RAD21L1: variants seen among roughly 807,000 people sequenced by gnomAD.
The protein encoded by RAD21L1 is RAD21 cohesin complex component like 1.
RAD21L1 carries 47 observed loss-of-function variants against 69.0 expected under a neutral mutation model. The observed-to-expected ratio is 0.68, with a 90% CI of 0.54 to 0.87. The LOEUF is 0.87. RAD21L1 is among the 40% of genes least tolerant of loss of function. RAD21L1 has a pLI of 0.00. For synonymous variants in RAD21L1, 177 were observed against 205.8 expected, an observed-to-expected ratio of 0.86 and a Z score of 1.20; for missense variants, 583 against 647.6, an observed-to-expected ratio of 0.90 and a Z score of 1.08.
chr20:1,230,794 C>T (rs1440565320), intron 3 of RAD21L1: 5 of 498,582 alleles, frequency 1.0e-5, no homozygotes, highest in South Asian at 8.8e-5. Flanking sequence ...TTCATTTGTT[C>T]GTTTATTATT....
rs1253015039 is a variant in RAD21L1, at chr20:1,254,663, T to TG, written c.*206_*207insG. ...AGAAATACTTTAAATTCTGTTTTGTTTTTTTTTGTTGTTTTTTTAAGGACA... is the reference window on the plus strand; with the variant it reads ...AGAAATACTTTAAATTCTGTTTTGTTGTTTTTTTGTTGTTTTTTTAAGGACA... On this transcript the variant is annotated 3_prime_UTR_variant, in exon 14 of 14. Coordinates refer to ENST00000683101, the MANE Select transcript of RAD21L1 (RefSeq NM_001384355.1). Among the ~76,000 whole-genome samples the TG allele has an allele frequency of 1.3e-5, 2 of 151,724 alleles. No individual in the cohort carries two copies. The highest frequency in any genetic ancestry group is 4.8e-5 in the African/African-American group (2 of 41,258).
chr20:1,239,377 C>T lies in RAD21L1; in HGVS notation c.712C>T (p.Leu238=). 1 of 1,549,370 alleles carries T rather than the reference C, an allele frequency of 6.5e-7. No homozygotes were observed. Among genetic ancestry groups the T allele is most frequent in the Non-Finnish European group, 8.7e-7 (1 of 1,144,924 alleles). ...CATGCATTTGAACAGAGAAATTTCC[C>T]TGCCTTCTGAGCCTCCCAATAGTTT... ...EDMHLNREIS[L]PSEPPNSLAV... Residue 238 remains leucine (L), a synonymous_variant, in exon 7 of 14, where the codon CTG becomes TTG. Transcript: ENST00000683101.
rs1031534140 is a variant in RAD21L1 at position 1,242,238 on chromosome 20, C to A, written c.857-381C>A. On this transcript the variant is annotated intron_variant, in intron 8 of 13. Coordinates refer to ENST00000683101, the MANE Select transcript of RAD21L1 (RefSeq NM_001384355.1). ...GTAGGTTGTACTGTGGTAGAAATTT[C>A]TTTTCTCTTTTGGAGATAGGGTCTT... Among the ~76,000 whole-genome samples, 4 of 152,122 alleles carry A rather than the reference C, an allele frequency of 2.6e-5. No individual in the cohort carries two copies. The East Asian group carries it at 5.8e-4, about 22-fold the overall frequency.
At position 1,246,213 on chromosome 20, in the gene RAD21L1, G is replaced by A; in HGVS notation, c.1309G>A (p.Asp437Asn). Residue 437 changes from aspartate (D) to asparagine (N), a missense_variant and splice_region_variant, in exon 12 of 14, where the codon GAT becomes AAT. By Grantham distance (23) the Asp-to-Asn change is conservative (BLOSUM62 1). Transcript: ENST00000683101. This position sits in a 1 kb window ranked among gnomAD's most constrained non-coding sequence, Gnocchi z 4.6. ...AACTTTCCCTAATTTGCTTCAGCAG[G>A]ATATTGTTGAAATGGTGTCTTTAGC... ...EDTNKNINSE[D>N]IVEMVSLAAE... is the part of the protein sequence containing the mutation. The A allele has an allele frequency of 6.6e-7, 1 of 1,523,556 alleles. No homozygotes were observed. Among genetic ancestry groups the A allele is most frequent in the East Asian group, 2.5e-5 (1 of 39,906 alleles). The allele number at this position is 1,523,556 out of a possible 1,614,324, so 94.4% of individuals were successfully genotyped here.
chr20:1,231,412 A>C, intron 3 of RAD21L1, 114 bp from the exon 4 acceptor site: 1 of 662,962 alleles, frequency 1.5e-6, no homozygotes, highest in African/African-American at 1.9e-5. Context: ...GAGTAGATAG[A>C]GGAAAACTAG....
intron 2 of RAD21L1, among the ~76,000 whole-genome samples, chr20:1,229,260 A>C (rs1038362452): frequency 6.6e-6 from 1 of 152,228 alleles, no homozygotes; most frequent in African/African-American, 2.4e-5. Context: ...TTTATCACTT[A>C]ATATGTTACT....
In RAD21L1 at chr20:1,244,103, G is replaced by C; in HGVS notation, c.1241G>C (p.Trp414Ser). Residue 414 changes from tryptophan (W) to serine (S), a missense_variant, in exon 11 of 14, where the codon TGG becomes TCG. Trp to Ser is a radical substitution (Grantham distance 177). Coordinates refer to ENST00000683101, the MANE Select transcript of RAD21L1 (RefSeq NM_001384355.1). Reference protein sequence around the residue: ...YQQELSKPQTWKDVIGGSQHS... With the variant: ...YQQELSKPQTSKDVIGGSQHS... The stretch of plus-strand genomic sequence containing the variant: ...CAAGAGTTAAGTAAACCCCAAACTT[G>C]GAAGGATGTGATTGGTGGATCTCAG... The C allele has an allele frequency of 6.5e-7, 1 of 1,549,544 alleles. No individual in the cohort carries two copies. The highest frequency in any genetic ancestry group is 8.7e-7 in the Non-Finnish European group (1 of 1,145,176).
chr20:1,254,280 G>C lies in RAD21L1; in HGVS notation c.1491G>C (p.Lys497Asn). The C allele has an allele frequency of 6.6e-7, 1 of 1,507,582 alleles. No individual in the cohort carries two copies. Among genetic ancestry groups the C allele is most frequent in the Non-Finnish European group, 8.9e-7 (1 of 1,122,122 alleles). The allele number at this position is 1,507,582 out of a possible 1,614,324, so 93.4% of individuals were successfully genotyped here. A position where few individuals can be genotyped will look rare whatever the true frequency, so the allele number is the denominator to read the frequency against. ...QMLNRLRESNKMGMQSFSLMK... is the reference protein window; with the variant it reads ...QMLNRLRESNNMGMQSFSLMK... The stretch of plus-strand genomic sequence containing the variant: ...AATTATTTTCCCAGGAATCTAACAA[G>C]ATGGGAATGCAGTCCTTTAGTCTGA... The change falls in exon 14 of 14, where the codon AAG becomes AAC. Residue 497 changes from lysine to asparagine, a missense_variant. Transcript: ENST00000683101.
intron 10 of RAD21L1, among the ~76,000 whole-genome samples, chr20:1,243,627 A>T (rs1262408795): frequency 1.3e-5 from 2 of 152,212 alleles, no homozygotes; most frequent in Non-Finnish European, 2.9e-5. Flanking sequence ...CCCAAAAGGC[A>T]CATGGAGTAT....
At chr20:1,239,494 T>C in intron 7 of RAD21L1, 87 bp downstream of exon 7, 2 of 686,852 alleles carry the variant, frequency 2.9e-6, no homozygotes, top group Admixed American at 2.6e-5. Context: ...CAATATAGTA[T>C]AGTGAAAGAT....
intron 2 of RAD21L1, among the ~76,000 whole-genome samples, chr20:1,229,630 A>G (rs987770732): frequency 9.9e-5 from 15 of 152,244 alleles, no homozygotes; most frequent in African/African-American, 3.1e-4. Flanking sequence ...AATTCTGACT[A>G]CAGAGTTTAT....
chr20:1,238,290 A>G, intron 6 of RAD21L1, 76 bp downstream of exon 6: 1 of 1,033,772 alleles, frequency 9.7e-7, no homozygotes, highest in Non-Finnish European at 1.3e-6. Context: ...GATTTATTAT[A>G]TCAATCTAAA....
chr20:1,240,520 T>G, intron 8 of RAD21L1, 86 bp downstream of exon 8: 1 of 1,466,624 alleles, frequency 6.8e-7, no homozygotes, highest in Non-Finnish European at 9.0e-7. Flanking sequence ...ACTGAAATAT[T>G]ATAGGAGATA....
chr20:1,252,945 A>G (rs1246903616), intron 13 of RAD21L1, among the ~76,000 whole-genome samples: 1 of 152,234 alleles, frequency 6.6e-6, no homozygotes, highest in African/African-American at 2.4e-5. Flanking sequence ...GGGAACACAA[A>G]TAAACGCTTA....
At chr20:1,241,555 C>A (rs2087607647) in intron 8 of RAD21L1, among the ~76,000 whole-genome samples, 1 of 152,016 alleles carries the variant, frequency 6.6e-6, no homozygotes. Flanking sequence ...ACTAGGCTGG[C>A]AGGAAATTCA....
chr20:1,251,926 A>G (rs2087841895), intron 13 of RAD21L1, among the ~76,000 whole-genome samples: 1 of 152,216 alleles, frequency 6.6e-6, no homozygotes. Flanking sequence ...AAGTCTTGAC[A>G]TATGTGTACA....
At chr20:1,249,932 C>T (rs895658596) in intron 13 of RAD21L1, among the ~76,000 whole-genome samples, 71 of 142,372 alleles carry the variant, frequency 5.0e-4, no homozygotes, top group East Asian at 3.3e-3. Context: ...TGTATACATG[C>T]GCCATGTTGG....
chr20:1,245,102 T>G (rs555773508), intron 11 of RAD21L1, among the ~76,000 whole-genome samples: 2 of 152,294 alleles, frequency 1.3e-5, no homozygotes, highest in African/African-American at 2.4e-5. Context: ...ATCACAGATA[T>G]AACAAGATAG....
intron 8 of RAD21L1, among the ~76,000 whole-genome samples, chr20:1,241,293 A>G (rs2122834910): frequency 6.6e-6 from 1 of 152,368 alleles, no homozygotes; most frequent in Non-Finnish European, 1.5e-5. Context: ...AAGGCAGAAT[A>G]AAAAGATCAG....
Sources: allele counts gnomAD v4.1 joint callset (sites outside exome capture counted in the v4.1 genomes callset), GRCh38; gene constraint gnomAD v4.1.1; non-coding constraint Gnocchi (gnomAD v3.1); transcripts MANE v1.5; gene names NCBI Gene and HGNC (gene_info 2026-07-23, HGNC 2026-07-21).